Variants in RANBP2 observed in about 807,000 individuals in gnomAD.
The protein encoded by RANBP2 is E3 SUMO-protein ligase RanBP2.
RANBP2 carries 57 observed loss-of-function variants against 303.6 expected under a neutral mutation model. The observed-to-expected ratio is 0.19, with a 90% CI of 0.15 to 0.23. The LOEUF (loss-of-function observed/expected upper bound fraction) is 0.23. Among genes scored for constraint, RANBP2 ranks in the 10% least tolerant of loss-of-function variants. The pLI, the probability that RANBP2 is intolerant of heterozygous loss-of-function variation, is 1.00. For synonymous variants in RANBP2, 1,167 were observed against 1,301.5 expected (o/e 0.90, Z 2.23); for missense variants, 3,138 against 3,780.8 (o/e 0.83, Z 4.46).
chr2:108,925,082 G>A, the RANBP2 span, among the ~76,000 whole-genome samples: 1 of 151,782 alleles, frequency 6.6e-6, no homozygotes, highest in Non-Finnish European at 1.5e-5. Context: ...CACCTAGGGG[G>A]ATTGGTCCCG....
chr2:109,011,237 C>T, the RANBP2 span, among the ~76,000 whole-genome samples: 2 of 152,176 alleles, frequency 1.3e-5, no homozygotes, highest in African/African-American at 2.4e-5. Context: ...TCTTCAGGAA[C>T]AATTACAGAA....
the RANBP2 span, among the ~76,000 whole-genome samples, chr2:109,639,395 C>CAGATCAAG: frequency 1.3e-5 from 2 of 152,000 alleles, no homozygotes; most frequent in Admixed American, 6.6e-5. Context: ...CCAAGGTGGG[C>CAGATCAAG]AGATCAAGAG....
the RANBP2 span, chr2:108,804,811 A>G: frequency 7.7e-7 from 1 of 1,299,240 alleles, no homozygotes; most frequent in Admixed American, 3.0e-5. Context: ...CTTACTTGTA[A>G]TTAATTCACG....
chr2:109,389,775 G>A, the RANBP2 span, among the ~76,000 whole-genome samples: 2 of 152,068 alleles, frequency 1.3e-5, no homozygotes, highest in African/African-American at 2.4e-5. Context: ...TGTATAATGC[G>A]AGTGATCATT....
chr2:108,930,024 T>C, the RANBP2 span: 4 of 1,438,446 alleles, frequency 2.8e-6, no homozygotes, highest in Non-Finnish European at 2.8e-6. Flanking sequence ...TACCCTGGCA[T>C]CCCCTCACAC....
chr2:109,015,431 A>G, the RANBP2 span, among the ~76,000 whole-genome samples: 1 of 151,988 alleles, frequency 6.6e-6, no homozygotes, highest in Non-Finnish European at 1.5e-5. Flanking sequence ...TTTCTCAGTA[A>G]CATGTTCTTT....
chr2:109,040,758 A>T, the RANBP2 span, among the ~76,000 whole-genome samples: 1 of 152,222 alleles, frequency 6.6e-6, no homozygotes, highest in Non-Finnish European at 1.5e-5. Context: ...AATTAAATTT[A>T]ATCTTCTAAA....
At chr2:109,353,336 C>G in the RANBP2 span, among the ~76,000 whole-genome samples, 3 of 152,256 alleles carry the variant, frequency 2.0e-5, no homozygotes, top group African/African-American at 7.2e-5. Context: ...TAGCTCGACC[C>G]TCGTCCTCAG....
the RANBP2 span, chr2:109,614,369 C>A: frequency 1.2e-6 from 1 of 820,870 alleles, no homozygotes; most frequent in Non-Finnish European, 1.6e-6. Context: ...GCCTCAGACG[C>A]GTAGGCTGGC....
At chr2:108,866,797 T>A in the RANBP2 span, among the ~76,000 whole-genome samples, 1 of 151,854 alleles carries the variant, frequency 6.6e-6, no homozygotes, top group East Asian at 1.9e-4. Context: ...GCAGGAGAAT[T>A]GCTTGAACCC....
At chr2:108,805,599 C>G in the RANBP2 span, among the ~76,000 whole-genome samples, 1 of 151,598 alleles carries the variant, frequency 6.6e-6, no homozygotes, top group Non-Finnish European at 1.5e-5. Context: ...TGATGGCGGG[C>G]GCCTGTAGTC....
At chr2:109,337,937 AC>A in the RANBP2 span, among the ~76,000 whole-genome samples, 1 of 151,580 alleles carries the variant, frequency 6.6e-6, no homozygotes, top group African/African-American at 2.4e-5. Flanking sequence ...TTGCCACGTT[AC>A]CCCGGCTGGT....
At chr2:109,535,472 A>G in the RANBP2 span, among the ~76,000 whole-genome samples, 2 of 152,000 alleles carry the variant, frequency 1.3e-5, no homozygotes, top group African/African-American at 2.4e-5. Context: ...GTGTCCTGTG[A>G]CTGTACTAGG....
chr2:109,323,158 A>G, the RANBP2 span, among the ~76,000 whole-genome samples: 6 of 152,286 alleles, frequency 3.9e-5, no homozygotes, highest in Non-Finnish European at 5.9e-5. Context: ...TCCAGAGACA[A>G]TGCAATGGGT....
At chr2:108,909,519 C>A in the RANBP2 span, among the ~76,000 whole-genome samples, 1 of 152,232 alleles carries the variant, frequency 6.6e-6, no homozygotes, top group South Asian at 2.1e-4. Context: ...AGTTTGGTGA[C>A]CTTCTGGTGG....
the RANBP2 span, among the ~76,000 whole-genome samples, chr2:109,343,434 C>T: frequency 1.3e-3 from 199 of 152,174 alleles, 1 homozygote; most frequent in African/African-American, 4.4e-3. Flanking sequence ...CTTGGTTTTG[C>T]TCTGTCCAAT....
At chr2:109,445,413 A>G in the RANBP2 span, among the ~76,000 whole-genome samples, 1 of 152,266 alleles carries the variant, frequency 6.6e-6, no homozygotes, top group Non-Finnish European at 1.5e-5. Context: ...AAGGATAAGG[A>G]AAATACTACA....
rs768171637 is a variant in RANBP2 at position 108,751,564 on chromosome 2, C to G, written c.1492C>G (p.Gln498Glu). The G allele has an allele frequency of 1.9e-6, 3 of 1,610,326 alleles. No individual in the cohort carries two copies. Among genetic ancestry groups the G allele is most frequent in the Non-Finnish European group, 2.5e-6 (3 of 1,179,114 alleles). The change falls in exon 11 of 29, where the codon CAA (glutamine) becomes GAA (glutamate). Residue 498 changes from glutamine (Q) to glutamate (E), a missense_variant. Coordinates refer to ENST00000283195, the MANE Select transcript of RANBP2 (RefSeq NM_006267.5). ...LLGVVYTSHL[Q>E]LKEKCNSHHS... Reference sequence around the variant, plus strand: ...TGGAGTAGTATATACCAGCCACTTACAATTAAAGGAGAAATGTAATTCTCA... The same window carrying G: ...TGGAGTAGTATATACCAGCCACTTAGAATTAAAGGAGAAATGTAATTCTCA...
chr2:108,758,158 G>A (rs537276700), intron 17 of RANBP2, among the ~76,000 whole-genome samples: 8 of 152,100 alleles, frequency 5.3e-5, no homozygotes, highest in African/African-American at 1.9e-4. Flanking sequence ...TTAGCCAGGC[G>A]TGCTGGCTGA....
Sources: allele counts gnomAD v4.1 joint callset (sites outside exome capture counted in the v4.1 genomes callset), GRCh38; gene constraint gnomAD v4.1.1; transcripts MANE v1.5; gene names NCBI Gene and HGNC (gene_info 2026-07-23, HGNC 2026-07-21).